RPAP3: variants seen among roughly 807,000 people sequenced by gnomAD.
RPAP3 encodes the protein RNA polymerase II associated protein 3.
In RPAP3, 58 loss-of-function variants were observed where a neutral mutation model predicts 88.8. The ratio of observed to expected loss-of-function variants is 0.65; its 90% CI spans 0.53 to 0.81. The LOEUF (loss-of-function observed/expected upper bound fraction) is 0.81, where lower values mean the gene tolerates loss of function less well. Among genes scored for constraint, RPAP3 ranks in the 40% least tolerant of loss-of-function variants. RPAP3 has a pLI of 0.00. For synonymous variants in RPAP3, 255 were observed against 259.9 expected, an observed-to-expected ratio of 0.98 and a Z score of 0.18; for missense variants, 751 against 764.3, an observed-to-expected ratio of 0.98 and a Z score of 0.20.
chr12:47,667,111 T>C lies in RPAP3; in HGVS notation c.1812-31A>G, dbSNP rs753465561. ...ATAATCCAAATATAGAAACAAATGA[T>C]CAGTTAAAAGCAGCTCATTTATTAA... On this transcript the variant is annotated intron_variant, in intron 15 of 16. Coordinates refer to ENST00000005386, the MANE Select transcript of RPAP3 (RefSeq NM_024604.3). 10 of 1,054,466 alleles carry C rather than the reference T, an allele frequency of 9.5e-6. No homozygotes were observed. The East Asian group carries it at 2.6e-4, about 27-fold the overall frequency. The allele number at this position is 1,054,466 out of a possible 1,614,324, so 65.3% of individuals were successfully genotyped here.
At chr12:47,677,780 A>C (rs546700987) in intron 12 of RPAP3, among the ~76,000 whole-genome samples, 1 of 152,352 alleles carries the variant, frequency 6.6e-6, no homozygotes, top group African/African-American at 2.4e-5. Flanking sequence ...TTCCATGCTC[A>C]TGGATAGGAA....
In RPAP3 at chr12:47,690,588, A is replaced by C. The variant is rs1436768294; in HGVS notation, c.597T>G (p.Ser199Arg). The change falls in exon 6 of 17, where the codon AGT becomes AGG. Residue 199 changes from serine to arginine, a missense_variant. Physicochemically the swap from Ser to Arg is moderately radical, Grantham distance 110. Transcript: ENST00000005386. ...CTCGTCTGGAATAAGCCTTTGTATA[A>C]CTTCTATTCAAGGCAACTGCTAAAT... ...DCNLAVALNR[S>R]YTKAYSRRGA... 5 of 1,596,586 alleles carry C rather than the reference A, an allele frequency of 3.1e-6. No individual in the cohort carries two copies. The African/African-American group carries it at 6.7e-5, about 21-fold the overall frequency.
chr12:47,692,646 C>T (rs772643368), intron 5 of RPAP3, among the ~76,000 whole-genome samples: 1 of 152,170 alleles, frequency 6.6e-6, no homozygotes, highest in African/African-American at 2.4e-5. Context: ...CAATAAGCTT[C>T]TTTTGCTTTT....
At chr12:47,674,435 T>C (rs182887224) in intron 12 of RPAP3, among the ~76,000 whole-genome samples, 3 of 152,234 alleles carry the variant, frequency 2.0e-5, no homozygotes, top group Admixed American at 6.5e-5. Flanking sequence ...AGAAGGTCCG[T>C]AATACAAACT....
intron 12 of RPAP3, among the ~76,000 whole-genome samples, chr12:47,675,189 G>C (rs1186694357): frequency 1.3e-5 from 2 of 152,112 alleles, no homozygotes; most frequent in Non-Finnish European, 2.9e-5. Flanking sequence ...TTACAGACAA[G>C]CAAATGCTGA....
chr12:47,689,918 G>A (rs1051718481), intron 6 of RPAP3, among the ~76,000 whole-genome samples: 6 of 151,926 alleles, frequency 3.9e-5, no homozygotes, highest in African/African-American at 1.5e-4. Context: ...GTGGGCACCT[G>A]TAATCCCGGA....
At chr12:47,705,405 T>C (rs1939768835) in intron 1 of RPAP3, among the ~76,000 whole-genome samples, 1 of 152,224 alleles carries the variant, frequency 6.6e-6, no homozygotes, top group Non-Finnish European at 1.5e-5. Flanking sequence ...TACAACGCTT[T>C]GTTGGGAACT....
chr12:47,698,654 T>C (rs1349899830), intron 3 of RPAP3, among the ~76,000 whole-genome samples: 2 of 152,122 alleles, frequency 1.3e-5, no homozygotes, highest in Non-Finnish European at 2.9e-5. Context: ...ACTGGGACTA[T>C]AGGCATGCAC....
intron 12 of RPAP3, among the ~76,000 whole-genome samples, chr12:47,674,711 G>C (rs556786891): frequency 1.4e-4 from 21 of 151,798 alleles, no homozygotes; most frequent in African/African-American, 5.1e-4. Context: ...AAGAGTAAAA[G>C]AAACAAACAA....
In RPAP3 at chr12:47,701,549, T is replaced by A. The variant is rs745374505; in HGVS notation, c.209A>T (p.Lys70Ile). Residue 70 changes from lysine (K) to isoleucine (I), a missense_variant, in exon 3 of 17, where the codon AAA becomes ATA. By Grantham distance (102) the Lys-to-Ile change is moderately radical (BLOSUM62 -3). Coordinates refer to ENST00000005386, the MANE Select transcript of RPAP3 (RefSeq NM_024604.3). ...NFRKKKKGKA[K>I]ESSKKTREEN... ...CTCTCTGGTTTTTTTGGAAGACTCT[T>A]TAGCTTTGCCTTTCTTCTTTTTCCT... 2 of 1,602,924 alleles carry A rather than the reference T, an allele frequency of 1.2e-6. No individual in the cohort carries two copies. The highest frequency in any genetic ancestry group is 3.4e-5 in the Admixed American group (2 of 58,120).
At chr12:47,667,184 C>A (rs913531461) in intron 15 of RPAP3, 104 bp from the exon 16 acceptor site, 5 of 433,304 alleles carry the variant, frequency 1.2e-5, no homozygotes, top group Non-Finnish European at 2.0e-5. Flanking sequence ...TAAATGACAT[C>A]ATTTTTTCCC....
In RPAP3 at chr12:47,696,331, G is replaced by T; in HGVS notation, c.490C>A (p.Pro164Thr). ...TTCGTTGGCAACACGGGATTATATG[G>T]ATCGGCATCCATGCCTTTTGTGTAG... ...DCYTKGMDAD[P>T]YNPVLPTNRA... is the part of the protein sequence containing the mutation. The change falls in exon 5 of 17, where the codon CCA (proline) becomes ACA (threonine). Residue 164 changes from proline to threonine, a missense_variant. Transcript: ENST00000005386. 1 of 1,601,004 alleles carries T rather than the reference G, an allele frequency of 6.2e-7. No homozygotes were observed. The highest frequency in any genetic ancestry group is 8.5e-7 in the Non-Finnish European group (1 of 1,173,330).
intron 13 of RPAP3, 92 bp downstream of exon 13, chr12:47,670,015 G>T: frequency 1.2e-6 from 1 of 818,830 alleles, no homozygotes. Flanking sequence ...AAATTAGCAT[G>T]ATGAGTACAA....
rs143467773 is a variant in RPAP3, at chr12:47,661,278, C to T, written c.*2227G>A. On this transcript the variant is annotated 3_prime_UTR_variant, in exon 17 of 17. Coordinates refer to ENST00000005386, the MANE Select transcript of RPAP3 (RefSeq NM_024604.3). ...TTGACCCAAAAATGACTTTATTAAC[C>T]ACTATGCTATTTTGCAATAAGGCAA... The T allele has an allele frequency of 9.9e-5, 15 of 152,188 alleles. 1 individual carries two copies. In the East Asian group the frequency reaches 2.9e-3, roughly 29 times the overall value. The allele number at this position is 152,188 out of a possible 1,614,324, so 9.4% of individuals were successfully genotyped here.
rs1234385792 is a variant in RPAP3 at position 47,661,768 on chromosome 12, C to A, written c.*1737G>T. 1.3e-5 allele frequency: 2 copies of A among 152,164 alleles called. No individual in the cohort carries two copies. The highest frequency in any genetic ancestry group is 2.9e-5 in the Non-Finnish European group (2 of 68,030). The allele number at this position is 152,164 out of a possible 1,614,324, so 9.4% of individuals were successfully genotyped here. ...GACAGCACGTTCTGAACTGTTTTGG[C>A]CAATTTTTAGCTCTATAATCATGCA... On this transcript the variant is annotated 3_prime_UTR_variant, in exon 17 of 17. Transcript: ENST00000005386.
intron 16 of RPAP3, chr12:47,664,542 A>C (rs1938828350): frequency 6.6e-6 from 1 of 152,234 alleles, no homozygotes; most frequent in African/African-American, 2.4e-5. Context: ...GTTATTAATG[A>C]TAATGGCAAT....
chr12:47,674,628 A>G, intron 12 of RPAP3, among the ~76,000 whole-genome samples: 1 of 152,242 alleles, frequency 6.6e-6, no homozygotes, highest in East Asian at 1.9e-4. Flanking sequence ...TGATTCGATA[A>G]AGTGGAAGAA....
At chr12:47,686,415 T>G (rs1378629475) in intron 9 of RPAP3, among the ~76,000 whole-genome samples, 2 of 152,100 alleles carry the variant, frequency 1.3e-5, no homozygotes, top group African/African-American at 4.8e-5. Flanking sequence ...ATAAAGCGAC[T>G]AGAGAAAAAC....
At chr12:47,705,139 G>C (rs1200486963) in intron 1 of RPAP3, among the ~76,000 whole-genome samples, 2 of 152,172 alleles carry the variant, frequency 1.3e-5, no homozygotes, top group Admixed American at 1.3e-4. Context: ...ATGAGTGATG[G>C]GGCAAAATCT....
Sources: allele counts gnomAD v4.1 joint callset (sites outside exome capture counted in the v4.1 genomes callset), GRCh38; gene constraint gnomAD v4.1.1; transcripts MANE v1.5; gene names NCBI Gene and HGNC (gene_info 2026-07-23, HGNC 2026-07-21).